The following GSE1 variants were observed in gnomAD, a reference collection of about 807,000 sequenced individuals.
The protein encoded by GSE1 is Gse1 coiled-coil protein, also known as genetic suppressor element 1.
A neutral mutation model predicts 112.6 loss-of-function variants in GSE1; 32 were observed. The ratio of observed to expected loss-of-function variants is 0.28; its 90% confidence interval spans 0.21 to 0.38. The LOEUF (loss-of-function observed/expected upper bound fraction) is 0.38, where lower values mean the gene tolerates loss of function less well. Among genes scored for constraint, GSE1 ranks in the 10% least tolerant of loss-of-function variants. The pLI is 1.00. For synonymous variants in GSE1, 1,115 were observed against 735.6 expected, an observed-to-expected ratio of 1.52 and a Z score of -8.35; for missense variants, 2,348 against 1,699.2, an observed-to-expected ratio of 1.38 and a Z score of -6.71.
At chr16:85,401,741 G>A (rs1225466903) in intron 2 of GSE1, among the ~76,000 whole-genome samples, 9 of 152,346 alleles carry the variant, frequency 5.9e-5, no homozygotes, top group South Asian at 2.1e-4. Context: ...AGCACTGCAC[G>A]CCGGTTACTG....
intron 2 of GSE1, among the ~76,000 whole-genome samples, chr16:85,520,136 C>G (rs1421816681): frequency 6.6e-6 from 1 of 152,206 alleles, no homozygotes. Flanking sequence ...GATCAAGGTG[C>G]TGGCAGATGA....
chr16:85,612,171 C>T (rs1454671687), upstream of GSE1, among the ~76,000 whole-genome samples: 1 of 151,502 alleles, frequency 6.6e-6, no homozygotes, highest in East Asian at 2.0e-4. Flanking sequence ...GGGAGGCTCG[C>T]CGACCCCTGC....
intron 2 of GSE1, among the ~76,000 whole-genome samples, chr16:85,483,532 C>A (rs1395548946): frequency 6.6e-6 from 1 of 152,264 alleles, no homozygotes; most frequent in Non-Finnish European, 1.5e-5. Context: ...AGCCTATGAA[C>A]AGTTGTTTCT....
intron 2 of GSE1, chr16:85,490,634 A>T (rs4075068): frequency 1.3e-5 from 2 of 152,072 alleles, no homozygotes; most frequent in East Asian, 3.9e-4. Context: ...CGGCCACACC[A>T]CGAGTGGATG....
At chr16:85,394,132 CG>C (rs1382265416) in intron 2 of GSE1, among the ~76,000 whole-genome samples, 1 of 148,608 alleles carries the variant, frequency 6.7e-6, no homozygotes, top group East Asian at 2.1e-4. Context: ...TGTCGGGGAC[CG>C]GGGAAGGCTC....
intron 1 of GSE1, among the ~76,000 whole-genome samples, chr16:85,338,034 T>G (rs1183275000): frequency 6.6e-6 from 1 of 152,124 alleles, no homozygotes; most frequent in Non-Finnish European, 1.5e-5. Context: ...ATCAAGAGAA[T>G]GAACACAGAA....
rs1220910147 is a variant in GSE1 at position 85,556,147 on chromosome 16, G to T, written c.-180G>T. 2.8e-5 allele frequency: 27 copies of T among 958,104 alleles called. No homozygotes were observed. The East Asian group carries it at 3.0e-3, about 108-fold the overall frequency. 59.4% of individuals were successfully genotyped at this position (958,104 alleles called of 1,614,324 possible). ...CCTTTTGATCATCTTGCGGGGCGGGGGGGGGAAAGACTGATTTTTTTTTTT... is the reference window on the plus strand; with the variant it reads ...CCTTTTGATCATCTTGCGGGGCGGGTGGGGGAAAGACTGATTTTTTTTTTT... On this transcript the variant is annotated 5_prime_UTR_variant, in exon 1 of 3. Coordinates refer to the GSE1 transcript ENST00000635906.
intron 1 of GSE1, among the ~76,000 whole-genome samples, chr16:85,287,612 C>T (rs534087145): frequency 2.6e-5 from 4 of 152,220 alleles, no homozygotes; most frequent in African/African-American, 7.2e-5. Flanking sequence ...GCTCCTCCCT[C>T]GCTTCCTTCG....
intron 1 of GSE1, among the ~76,000 whole-genome samples, chr16:85,315,581 C>T (rs1431542638): frequency 6.6e-6 from 1 of 152,086 alleles, no homozygotes; most frequent in Non-Finnish European, 1.5e-5. Flanking sequence ...CAAGAGTAAC[C>T]AAAACCCAAC....
chr16:85,600,131 C>T (rs958987410), intron 1 of GSE1, among the ~76,000 whole-genome samples: 4 of 152,320 alleles, frequency 2.6e-5, no homozygotes, highest in Admixed American at 6.5e-5. Context: ...CTTCCAGGCC[C>T]GCTCCATCCA....
chr16:85,424,630 C>T (rs747210115), intron 2 of GSE1, among the ~76,000 whole-genome samples: 1 of 152,264 alleles, frequency 6.6e-6, no homozygotes, highest in Non-Finnish European at 1.5e-5. Flanking sequence ...TTAAAACAAT[C>T]TAAAAGTAAT....
chr16:85,480,624 G>A (rs1027396733), intron 2 of GSE1, among the ~76,000 whole-genome samples: 2 of 152,132 alleles, frequency 1.3e-5, no homozygotes, highest in East Asian at 1.9e-4. Flanking sequence ...CTTGGTGTCC[G>A]ATTGCCCTCC....
Position 85,675,184 on chromosome 16 carries a change from T to C in GSE1, c.*2645T>C, listed in dbSNP as rs976547423. ...AGTTTTTTGTTCAGCTACTTCACAC[T>C]GAGTACCTCAAATCTGCTCTGGAGT... On this transcript the variant is annotated 3_prime_UTR_variant, in exon 16 of 16. Coordinates refer to ENST00000253458, the MANE Select transcript of GSE1 (RefSeq NM_014615.5). 3 of 152,182 alleles carry C rather than the reference T, an allele frequency of 2.0e-5. No homozygotes were observed. Among genetic ancestry groups the C allele is most frequent in the African/African-American group, 4.8e-5 (2 of 41,444 alleles). 9.4% of individuals were successfully genotyped at this position (152,182 alleles called of 1,614,324 possible).
At chr16:85,550,858 G>A (rs1363722586) in intron 2 of GSE1, among the ~76,000 whole-genome samples, 4 of 152,352 alleles carry the variant, frequency 2.6e-5, no homozygotes, top group South Asian at 2.1e-4. Context: ...TTGGGGATCC[G>A]GCGGGCCGCA....
intron 2 of GSE1, among the ~76,000 whole-genome samples, chr16:85,381,428 T>G (rs1385051366): frequency 6.6e-6 from 1 of 152,206 alleles, no homozygotes; most frequent in Non-Finnish European, 1.5e-5. Flanking sequence ...AGTGTGCAAA[T>G]TGGTCCTTGA....
In GSE1 at chr16:85,265,809, T is replaced by C. The variant is rs553484788; in HGVS notation, c.2284-91654T>C. On this transcript the variant is annotated intron_variant, in intron 1 of 2. Coordinates refer to the GSE1 transcript ENST00000637419. ...CGCCGGGGTCCAGGCTTGTGTGACG[T>C]AGATGATTGAATTTTCCTGATGAGC... Among the ~76,000 whole-genome samples the C allele has an allele frequency of 1.6e-3, 246 of 152,064 alleles. 1 individual carries two copies. The highest frequency in any genetic ancestry group is 5.8e-3 in the African/African-American group (240 of 41,470).
rs530004091 is a variant in GSE1, at chr16:85,344,862, G to A, written c.2284-12601G>A. Among the ~76,000 whole-genome samples, 4 of 152,370 alleles carry A rather than the reference G, an allele frequency of 2.6e-5. No homozygotes were observed. In the East Asian group the frequency reaches 7.7e-4, roughly 29 times the overall value. ...GTGTAGACAAGCTGGCTGGTGCCAT[G>A]TGTGCTTCAGAACGAGCTGTCTGCC... On this transcript the variant is annotated intron_variant, in intron 1 of 2. Coordinates refer to the GSE1 transcript ENST00000637419.
intron 2 of GSE1, among the ~76,000 whole-genome samples, chr16:85,523,831 C>T (rs2052272745): frequency 6.6e-6 from 1 of 152,252 alleles, no homozygotes; most frequent in Admixed American, 6.5e-5. Flanking sequence ...GGTTCAGAGC[C>T]AGCAACACCA....
At chr16:85,396,927 G>C (rs1304838152) in intron 2 of GSE1, among the ~76,000 whole-genome samples, 3 of 152,220 alleles carry the variant, frequency 2.0e-5, no homozygotes, top group African/African-American at 7.2e-5. Flanking sequence ...TGGTCATGGA[G>C]AGAGACAGAG....
Sources: allele counts gnomAD v4.1 joint callset (sites outside exome capture counted in the v4.1 genomes callset), GRCh38; gene constraint gnomAD v4.1.1; transcripts MANE v1.5; gene names NCBI Gene and HGNC (gene_info 2026-07-23, HGNC 2026-07-21).